The following OTUD5 variants were observed in gnomAD, a reference collection of about 807,000 sequenced individuals.
OTUD5 encodes OTU domain-containing protein 5.
A neutral mutation model predicts 36.3 loss-of-function variants in OTUD5; 2 were observed. The observed-to-expected ratio is 0.06, with a 90% CI of 0.02 to 0.17. The LOEUF (loss-of-function observed/expected upper bound fraction) is 0.17, where lower values mean the gene tolerates loss of function less well. Among genes scored for constraint, OTUD5 ranks in the 10% least tolerant of loss-of-function variants. The pLI is 1.00. For synonymous variants in OTUD5, 234 were observed against 214.9 expected (o/e 1.09, Z -0.78); for missense variants, 233 against 512.3 (o/e 0.45, Z 5.26).
chrX:48,931,471 A>G (rs1356426544), intron 5 of OTUD5, among the ~76,000 whole-genome samples: 1 of 112,884 alleles, frequency 8.9e-6, no homozygotes, highest in African/African-American at 3.2e-5. Flanking sequence ...GGAGGCATGC[A>G]GATTTCATTT....
In OTUD5 at chrX:48,922,595, G is replaced by C; in HGVS notation, c.*579C>G. 1.3e-6 allele frequency: 1 copy of C among 753,064 alleles called. No individual in the cohort carries two copies. Among genetic ancestry groups the C allele is most frequent in the Non-Finnish European group, 1.6e-6 (1 of 637,542 alleles). The allele number at this position is 753,064 out of a possible 1,213,427, so 62.1% of individuals were successfully genotyped here. A position where few individuals can be genotyped will look rare whatever the true frequency, so the allele number is the denominator to read the frequency against. On this transcript the variant is annotated 3_prime_UTR_variant, in exon 9 of 9. Coordinates refer to ENST00000376488, the MANE Select transcript of OTUD5 (RefSeq NM_001136157.2). Reference sequence around the variant, plus strand: ...TGCCCAGAAAGATGCCACCTTCACAGAGCCAGTGCTGTCGTCTATATCATT... The same window carrying C: ...TGCCCAGAAAGATGCCACCTTCACACAGCCAGTGCTGTCGTCTATATCATT...
At chrX:48,933,987 T>A (rs971229795) in intron 5 of OTUD5, among the ~76,000 whole-genome samples, 1 of 111,780 alleles carries the variant, frequency 8.9e-6, no homozygotes, top group East Asian at 2.8e-4. Flanking sequence ...GAACACCTAC[T>A]AGGCCCCAGG....
chrX:48,941,039 C>T (rs2063911073), intron 2 of OTUD5, among the ~76,000 whole-genome samples: 1 of 111,401 alleles, frequency 9.0e-6, no homozygotes, highest in Non-Finnish European at 1.9e-5. Flanking sequence ...CGTGCTCCTA[C>T]TTGGAGGAGG....
At chrX:48,948,298 G>T (rs1222012508) in intron 1 of OTUD5, among the ~76,000 whole-genome samples, 1 of 112,021 alleles carries the variant, frequency 8.9e-6, no homozygotes, top group African/African-American at 3.2e-5. Flanking sequence ...GCAGTGAGCC[G>T]AGATGGCACC....
chrX:48,922,609 G>A lies in OTUD5; in HGVS notation c.*565C>T, dbSNP rs180816490. On this transcript the variant is annotated 3_prime_UTR_variant, in exon 9 of 9. Coordinates refer to ENST00000376488, the MANE Select transcript of OTUD5 (RefSeq NM_001136157.2). ...CCACCTTCACAGAGCCAGTGCTGTC[G>A]TCTATATCATTTTTGATTAGTTGAT... 4.0e-5 allele frequency: 30 copies of A among 750,323 alleles called. No homozygotes were observed. The East Asian group carries it at 1.8e-3, about 45-fold the overall frequency. The allele number at this position is 750,323 out of a possible 1,213,427, so 61.8% of individuals were successfully genotyped here.
intron 5 of OTUD5, among the ~76,000 whole-genome samples, chrX:48,927,758 G>A (rs1602371931): frequency 9.0e-6 from 1 of 111,273 alleles, no homozygotes; most frequent in Middle Eastern, 4.7e-3. Context: ...GGACACTAGT[G>A]ATCAACCTAA....
Position 48,957,455 on chromosome X carries a change from C to A in OTUD5, c.116G>T (p.Gly39Val), listed in dbSNP as rs1444572727. The change falls in exon 1 of 9, where the codon GGC (glycine) becomes GTC (valine). Residue 39 changes from glycine (G) to valine (V), a missense_variant. Gly to Val is a moderately radical substitution (Grantham distance 109). Around this residue, in one of 3 missense-constraint regions of OTUD5, gnomAD observed 155 missense variants for 217.2 expected, o/e 0.71. Coordinates refer to ENST00000376488, the MANE Select transcript of OTUD5 (RefSeq NM_001136157.2). Reference sequence around the variant, plus strand: ...GCCGCCCACGCCCGTGCCGCCGCCGCCCACGCCCACACCTCCGCCGCGCCG... The same window carrying A: ...GCCGCCCACGCCCGTGCCGCCGCCGACCACGCCCACACCTCCGCCGCGCCG... ...APRRGGGVGV[G>V]GGGTGVGGGD... is the part of the protein sequence containing the mutation. The A allele has an allele frequency of 2.1e-6, 2 of 965,948 alleles. No homozygotes were observed. Among genetic ancestry groups the A allele is most frequent in the African/African-American group, 4.2e-5 (2 of 47,764 alleles). The allele number at this position is 965,948 out of a possible 1,213,427, so 79.6% of individuals were successfully genotyped here. A position where few individuals can be genotyped will look rare whatever the true frequency, so the allele number is the denominator to read the frequency against.
At position 48,922,366 on chromosome X, in the gene OTUD5, C is replaced by T. The variant is rs2063594949; in HGVS notation, c.*808G>A. 1 of 190,728 alleles carries T rather than the reference C, an allele frequency of 5.2e-6. No homozygotes were observed. Among genetic ancestry groups the T allele is most frequent in the African/African-American group, 3.0e-5 (1 of 32,936 alleles). 15.7% of individuals were successfully genotyped at this position (190,728 alleles called of 1,213,427 possible). On this transcript the variant is annotated 3_prime_UTR_variant, in exon 9 of 9. Coordinates refer to ENST00000376488, the MANE Select transcript of OTUD5 (RefSeq NM_001136157.2). ...CCATAATCCCCAAAGATGACCCCCACCCCAAGATTCCAAAGAAGCTAGTGG... is the reference window on the plus strand; with the variant it reads ...CCATAATCCCCAAAGATGACCCCCATCCCAAGATTCCAAAGAAGCTAGTGG...
At chrX:48,945,340 G>A (rs1385664997) in intron 1 of OTUD5, among the ~76,000 whole-genome samples, 7 of 96,486 alleles carry the variant, frequency 7.3e-5, no homozygotes, top group Non-Finnish European at 1.4e-4. Flanking sequence ...GCACTATCTC[G>A]GCTCACTGCA....
chrX:48,934,546 C>T lies in OTUD5; in HGVS notation c.977G>A (p.Arg326Gln), dbSNP rs1557049459. 3 of 1,206,492 alleles carry T rather than the reference C, an allele frequency of 2.5e-6. No homozygotes were observed. The highest frequency in any genetic ancestry group is 1.8e-5 in the South Asian group (1 of 56,761). ...EDEPIRVSYH[R>Q]NIHYNSVVNP... ...CACCACTGAATTATAGTGGATATTC[C>T]GATGGTAGCTAACACGAATGGGTTC... is the stretch of plus-strand genomic sequence containing the variant. The change falls in exon 5 of 9, where the codon CGG (arginine) becomes CAG (glutamine). Residue 326 changes from arginine (R) to glutamine (Q), a missense_variant. Physicochemically the swap from Arg to Gln is conservative, Grantham distance 43. Around this residue, in one of 3 missense-constraint regions of OTUD5, gnomAD observed 21 missense variants for 161.9 expected, o/e 0.13. Transcript: ENST00000376488.
At chrX:48,943,010 A>G (rs1029528214) in intron 2 of OTUD5, among the ~76,000 whole-genome samples, 5 of 111,099 alleles carry the variant, frequency 4.5e-5, no homozygotes, top group African/African-American at 1.6e-4. Flanking sequence ...ACAGACGGAG[A>G]GAATAGCAGA....
chrX:48,932,817 G>GT (rs1366721459), intron 5 of OTUD5, among the ~76,000 whole-genome samples: 2 of 110,232 alleles, frequency 1.8e-5, no homozygotes, highest in East Asian at 2.8e-4. Flanking sequence ...TTTACAAAAA[G>GT]TTTTTTTAAA....
chrX:48,957,749 C>CGGCGGCGGT (rs1275756603), upstream of OTUD5: 310 of 782,865 alleles, frequency 4.0e-4, no homozygotes, highest in African/African-American at 6.7e-3. Flanking sequence ...GCGGCGGCGG[C>CGGCGGCGGT]GGTGGCGGCG....
At chrX:48,934,320 A>ATTTTTTT (rs10715761) in intron 5 of OTUD5, 144 bp downstream of exon 5, 1 of 266,915 alleles carries the variant, frequency 3.7e-6, no homozygotes, top group Non-Finnish European at 6.4e-6. Flanking sequence ...GTAACTCCCT[A>ATTTTTTT]TTTTTTTTTT....
chrX:48,925,715 G>C (rs1426133935), intron 6 of OTUD5, 132 bp downstream of exon 6: 10 of 507,535 alleles, frequency 2.0e-5, no homozygotes, highest in Non-Finnish European at 3.0e-5. Flanking sequence ...ACCAAGATGA[G>C]TTACAGATGG....
chrX:48,957,746 C>A (rs1359116474), upstream of OTUD5: 4 of 783,127 alleles, frequency 5.1e-6, no homozygotes, highest in Non-Finnish European at 6.1e-6. Flanking sequence ...GCGGCGGCGG[C>A]GGCGGTGGCG....
At chrX:48,944,136 G>C in intron 2 of OTUD5, 54 bp downstream of exon 2, 1 of 879,090 alleles carries the variant, frequency 1.1e-6, no homozygotes, top group Non-Finnish European at 1.7e-6. Flanking sequence ...CCTGATAACT[G>C]GGACACAGCT....
chrX:48,927,052 T>C (rs1382432707), intron 5 of OTUD5, among the ~76,000 whole-genome samples: 1 of 111,989 alleles, frequency 8.9e-6, no homozygotes, highest in African/African-American at 3.2e-5. Context: ...TCATGTAAAA[T>C]GTATTCTTTT....
At chrX:48,934,063 G>T (rs1413904083) in intron 5 of OTUD5, among the ~76,000 whole-genome samples, 1 of 111,817 alleles carries the variant, frequency 8.9e-6, no homozygotes, top group East Asian at 2.8e-4. Context: ...AATCTGCCTA[G>T]ATCACACAGC....
Sources: gnomAD v4.1 joint callset for allele counts (sites outside exome capture counted in the v4.1 genomes callset) on GRCh38, gnomAD v4.1.1 for gene constraint, gnomAD v4.1.1 regional missense constraint, MANE v1.5 for transcripts, NCBI Gene and HGNC (gene_info 2026-07-23, HGNC 2026-07-21) for gene names.